The following DAB1 variants were observed in gnomAD, a reference collection of about 807,000 sequenced individuals.
DAB1 encodes the protein DAB adaptor protein 1, also known as disabled homolog 1.
DAB1 carries 15 observed loss-of-function variants against 64.6 expected under a neutral mutation model. The observed-to-expected ratio is 0.23, with a 90% CI of 0.16 to 0.36. DAB1 has a LOEUF of 0.36. Among genes scored for constraint, DAB1 ranks in the 10% least tolerant of loss-of-function variants. The probability of loss-of-function intolerance (pLI) is 1.00; values close to 1 mark genes in which losing one functional copy is unlikely to be tolerated. For missense variants in DAB1, 596 were observed against 706.7 expected (o/e 0.84, Z 1.78); for synonymous variants, 235 against 251.9 (o/e 0.93, Z 0.64).
intron 1 of DAB1, among the ~76,000 whole-genome samples, chr1:57,417,593 T>C (rs1684585950): frequency 6.6e-6 from 1 of 152,190 alleles, no homozygotes; most frequent in Admixed American, 6.5e-5. Context: ...TCTCTGAACC[T>C]TTAACATATC....
At chr1:57,403,731 A>G (rs1393660319) in intron 1 of DAB1, among the ~76,000 whole-genome samples, 1 of 152,226 alleles carries the variant, frequency 6.6e-6, no homozygotes, top group Non-Finnish European at 1.5e-5. Context: ...ATCCCAGCCT[A>G]CGTTCACTCT....
At chr1:57,594,140 C>T (rs762759525) in intron 7 of DAB1, among the ~76,000 whole-genome samples, 3 of 152,192 alleles carry the variant, frequency 2.0e-5, no homozygotes, top group Non-Finnish European at 2.9e-5. Flanking sequence ...CTGACTTCCC[C>T]TTACATGGAA....
chr1:57,454,927 T>A (rs1308681097), intron 7 of DAB1, among the ~76,000 whole-genome samples: 1 of 152,072 alleles, frequency 6.6e-6, no homozygotes, highest in Non-Finnish European at 1.5e-5. Flanking sequence ...AATAAAATAA[T>A]TTCAATATTG....
chr1:57,356,165 A>G (rs954711207), intron 1 of DAB1, among the ~76,000 whole-genome samples: 1 of 152,064 alleles, frequency 6.6e-6, no homozygotes, highest in African/African-American at 2.4e-5. Context: ...AATGTTGTTG[A>G]GTGCTAAGAC....
intron 1 of DAB1, among the ~76,000 whole-genome samples, chr1:57,387,838 A>AAAAAAAAG (rs59597761): frequency 6.8e-6 from 1 of 146,766 alleles, no homozygotes; most frequent in Non-Finnish European, 1.5e-5. Flanking sequence ...AAAAAAAAAA[A>AAAAAAAAG]AGAGAGAGAA....
intron 3 of DAB1, among the ~76,000 whole-genome samples, chr1:58,495,266 T>C (rs543475777): frequency 6.6e-6 from 1 of 152,040 alleles, no homozygotes; most frequent in African/African-American, 2.4e-5. Flanking sequence ...CAGGGGTCTG[T>C]TGTGGGGTGG....
intron 4 of DAB1, among the ~76,000 whole-genome samples, chr1:58,188,003 T>C (rs1657185057): frequency 1.3e-5 from 2 of 150,916 alleles, no homozygotes; most frequent in South Asian, 2.1e-4. Context: ...CTGCCTCCCA[T>C]ATTCAAGCGA....
At chr1:57,557,395 C>T (rs1645001531) in intron 7 of DAB1, among the ~76,000 whole-genome samples, 1 of 151,748 alleles carries the variant, frequency 6.6e-6, no homozygotes, top group South Asian at 2.1e-4. Flanking sequence ...TAAGTTAATA[C>T]TTAATAAATG....
intron 4 of DAB1, among the ~76,000 whole-genome samples, chr1:58,248,576 C>T (rs1018527832): frequency 1.3e-5 from 2 of 152,032 alleles, no homozygotes; most frequent in African/African-American, 2.4e-5. Flanking sequence ...TAGCATCAAA[C>T]GTACAAGCAG....
intron 1 of DAB1, among the ~76,000 whole-genome samples, chr1:57,362,189 G>A (rs1226246839): frequency 6.6e-6 from 1 of 152,118 alleles, no homozygotes; most frequent in African/African-American, 2.4e-5. Context: ...CTTAACCTAT[G>A]TGAACCTCAA....
chr1:58,018,141 C>T (rs1646767842), intron 5 of DAB1, among the ~76,000 whole-genome samples: 1 of 151,116 alleles, frequency 6.6e-6, no homozygotes, highest in African/African-American at 2.5e-5. Flanking sequence ...ACCAAGGCAA[C>T]ACTCACGTTC....
At chr1:58,152,329 A>T (rs1447627484) in intron 4 of DAB1, among the ~76,000 whole-genome samples, 2 of 152,156 alleles carry the variant, frequency 1.3e-5, no homozygotes, top group East Asian at 3.9e-4. Context: ...ACTCCACTCT[A>T]CCACTGCCTT....
chr1:58,527,497 C>A (rs1455575777), intron 1 of DAB1, among the ~76,000 whole-genome samples: 3 of 152,068 alleles, frequency 2.0e-5, no homozygotes, highest in African/African-American at 4.8e-5. Context: ...AATATAAACA[C>A]AGCCTTTATT....
intron 10 of DAB1, among the ~76,000 whole-genome samples, chr1:57,025,337 A>AG (rs1646749882): frequency 6.6e-6 from 1 of 152,162 alleles, no homozygotes; most frequent in African/African-American, 2.4e-5. Flanking sequence ...TCCTTTTGTA[A>AG]GCACTGACTG....
chr1:57,433,835 G>C (rs1329418780), intron 7 of DAB1, among the ~76,000 whole-genome samples: 1 of 144,890 alleles, frequency 6.9e-6, no homozygotes, highest in African/African-American at 2.5e-5. Context: ...ATGAACGGAA[G>C]ACTTTGACAG....
At chr1:57,491,441 T>A (rs887998839) in intron 7 of DAB1, among the ~76,000 whole-genome samples, 6 of 151,508 alleles carry the variant, frequency 4.0e-5, no homozygotes, top group African/African-American at 1.2e-4. Context: ...AAAATAAAAA[T>A]TAAAAATTAG....
At chr1:57,456,575 G>A (rs1292455216) in intron 7 of DAB1, among the ~76,000 whole-genome samples, 3 of 152,072 alleles carry the variant, frequency 2.0e-5, no homozygotes, top group African/African-American at 7.2e-5. Flanking sequence ...AATAGTATTT[G>A]AAAAGTGGTT....
intron 4 of DAB1, among the ~76,000 whole-genome samples, chr1:58,209,732 A>T (rs905047351): frequency 1.3e-5 from 2 of 152,204 alleles, no homozygotes; most frequent in African/African-American, 4.8e-5. Context: ...TATTAAACAC[A>T]TTGAAAAAAT....
chr1:57,183,411 A>G (rs1663189993), intron 2 of DAB1, among the ~76,000 whole-genome samples: 1 of 152,240 alleles, frequency 6.6e-6, no homozygotes, highest in South Asian at 2.1e-4. Context: ...TATTGTGTGC[A>G]ATGAATGAGG....
Sources: allele counts gnomAD v4.1 joint callset (sites outside exome capture counted in the v4.1 genomes callset), GRCh38; gene constraint gnomAD v4.1.1; transcripts MANE v1.5; gene names NCBI Gene and HGNC (gene_info 2026-07-23, HGNC 2026-07-21).